TMEM65: variants seen among roughly 807,000 people sequenced by gnomAD.
The protein encoded by TMEM65 is transmembrane protein 65.
A neutral mutation model predicts 25.4 loss-of-function variants in TMEM65; 22 were observed. The ratio of observed to expected loss-of-function variants is 0.86; its 90% CI spans 0.62 to 1.23. The LOEUF (loss-of-function observed/expected upper bound fraction) is 1.23. TMEM65 is among the 50% of genes most tolerant of loss of function. The pLI is 0.00. For missense variants in TMEM65, 262 were observed against 308.2 expected (o/e 0.85, Z 1.12); for synonymous variants, 132 against 126.2 (o/e 1.05, Z -0.31).
At chr8:124,363,986 T>C (rs141549284) in intron 1 of TMEM65, among the ~76,000 whole-genome samples, 93 of 151,734 alleles carry the variant, frequency 6.1e-4, no homozygotes, top group African/African-American at 2.2e-3. Context: ...TGTGCAACCA[T>C]AGCCTTTGCA....
Position 124,327,385 on chromosome 8 carries a change from C to A in TMEM65, c.386G>T (p.Gly129Val). The A allele has an allele frequency of 6.2e-7, 1 of 1,602,868 alleles. No homozygotes were observed. The highest frequency in any genetic ancestry group is 1.1e-5 in the South Asian group (1 of 88,450). The change falls in exon 3 of 7, where the codon GGC becomes GTC. Residue 129 changes from glycine (G) to valine (V), a missense_variant. Transcript: ENST00000297632. ...AATCATAATTGCATTATCCAAAAAG[C>A]CAAACCCTATGAAAGGTATCGCATT... Reference protein sequence around the residue: ...IHNAIPFIGFGFLDNAIMIVA... With the variant: ...IHNAIPFIGFVFLDNAIMIVA...
intron 1 of TMEM65, among the ~76,000 whole-genome samples, chr8:124,365,656 A>C (rs932864375): frequency 6.6e-6 from 1 of 151,990 alleles, no homozygotes; most frequent in Non-Finnish European, 1.5e-5. Flanking sequence ...ATCCAGGTAA[A>C]ACCTAAATAT....
Position 124,313,969 on chromosome 8 carries a change from C to A in TMEM65, c.714G>T (p.Thr238=). The part of the protein sequence containing the change: ...GGGEEDEKLE[T]KS Reference sequence around the variant, plus strand: ...AGGTATTCTAAGAGGATTAACTTTTCGTTTCCAGTTTTTCATCTTCTTCAC... The same window carrying A: ...AGGTATTCTAAGAGGATTAACTTTTAGTTTCCAGTTTTTCATCTTCTTCAC... The change falls in exon 7 of 7, where the codon ACG becomes ACT. Residue 238 remains threonine (T), a synonymous_variant. Coordinates refer to ENST00000297632, the MANE Select transcript of TMEM65 (RefSeq NM_194291.3). 1 of 1,611,184 alleles carries A rather than the reference C, an allele frequency of 6.2e-7. No homozygotes were observed. The highest frequency in any genetic ancestry group is 1.1e-5 in the South Asian group (1 of 90,928).
At chr8:124,370,667 A>G (rs1293809946) in intron 1 of TMEM65, among the ~76,000 whole-genome samples, 2 of 152,234 alleles carry the variant, frequency 1.3e-5, no homozygotes, top group Non-Finnish European at 2.9e-5. Flanking sequence ...AGCCACAACT[A>G]AAACAAGTTT....
chr8:124,322,801 T>G lies in TMEM65; in HGVS notation c.472+520A>C, dbSNP rs375318022. ...TCACGAGGTCAGGCATTCAAGACCA[T>G]CCTGGCCAACATGGTGAAACCCCGT... is the stretch of plus-strand genomic sequence containing the variant. On this transcript the variant is annotated intron_variant, in intron 4 of 6. Coordinates refer to ENST00000297632, the MANE Select transcript of TMEM65 (RefSeq NM_194291.3). Among the ~76,000 whole-genome samples, 139 of 152,030 alleles carry G rather than the reference T, an allele frequency of 9.1e-4. 1 individual carries two copies. Among genetic ancestry groups the G allele is most frequent in the Admixed American group, 4.5e-3 (68 of 15,254 alleles).
chr8:124,361,787 G>C (rs946364044), intron 1 of TMEM65, among the ~76,000 whole-genome samples: 1 of 152,046 alleles, frequency 6.6e-6, no homozygotes, highest in African/African-American at 2.4e-5. Context: ...AGTGAGCGGA[G>C]ATTGCGCCAC....
At chr8:124,337,369 GAACA>G (rs751562534) in intron 1 of TMEM65, among the ~76,000 whole-genome samples, 1 of 151,942 alleles carries the variant, frequency 6.6e-6, no homozygotes, top group African/African-American at 2.4e-5. Context: ...CATGAACACA[GAACA>G]AAAAGCCTTA....
chr8:124,371,841 C>G lies in TMEM65; in HGVS notation c.304+13G>C, dbSNP rs1471163999. On this transcript the variant is annotated intron_variant, in intron 1 of 6. Transcript: ENST00000297632. ...CGGGGCCCCCGGGCTCGCCCCCCACCTGCCCCCCTTACCTTGGGCAATGGC... is the reference window on the plus strand; with the variant it reads ...CGGGGCCCCCGGGCTCGCCCCCCACGTGCCCCCCTTACCTTGGGCAATGGC... The G allele has an allele frequency of 6.6e-7, 1 of 1,515,306 alleles. No individual in the cohort carries two copies. Among genetic ancestry groups the G allele is most frequent in the African/African-American group, 1.4e-5 (1 of 69,552 alleles). The allele number at this position is 1,515,306 out of a possible 1,614,324, so 93.9% of individuals were successfully genotyped here. A position where few individuals can be genotyped will look rare whatever the true frequency, so the allele number is the denominator to read the frequency against.
chr8:124,326,201 T>G (rs1814363963), intron 3 of TMEM65, among the ~76,000 whole-genome samples: 1 of 152,080 alleles, frequency 6.6e-6, no homozygotes, highest in African/African-American at 2.4e-5. Context: ...ACCTGGGAAC[T>G]CATAAACTGG....
chr8:124,332,383 T>C (rs1814442884), intron 1 of TMEM65, among the ~76,000 whole-genome samples: 1 of 152,140 alleles, frequency 6.6e-6, no homozygotes, highest in African/African-American at 2.4e-5. Context: ...AAGCAGGACC[T>C]CCCCAGTAGA....
chr8:124,310,662 G>A lies in TMEM65; in HGVS notation c.*3298C>T, dbSNP rs773358187. On this transcript the variant is annotated 3_prime_UTR_variant, in exon 7 of 7. Transcript: ENST00000297632. Reference sequence around the variant, plus strand: ...GACCAAATAAGTGTTTAATAAAAGGGAACTATTATTATTACTACTACTACT... The same window carrying A: ...GACCAAATAAGTGTTTAATAAAAGGAAACTATTATTATTACTACTACTACT... The A allele has an allele frequency of 1.3e-5, 2 of 151,844 alleles. No homozygotes were observed. The highest frequency in any genetic ancestry group is 2.9e-5 in the Non-Finnish European group (2 of 67,972). The allele number at this position is 151,844 out of a possible 1,614,324, so 9.4% of individuals were successfully genotyped here.
At chr8:124,338,833 C>G (rs1027936373) in intron 1 of TMEM65, among the ~76,000 whole-genome samples, 4 of 152,046 alleles carry the variant, frequency 2.6e-5, no homozygotes, top group African/African-American at 7.2e-5. Context: ...TGGCCTAAAG[C>G]TGCCTGAGTA....
intron 1 of TMEM65, among the ~76,000 whole-genome samples, chr8:124,359,845 A>T (rs1477931286): frequency 6.6e-6 from 1 of 152,206 alleles, no homozygotes; most frequent in Admixed American, 6.5e-5. Flanking sequence ...TAATTATACC[A>T]CACTAAAGGC....
intron 6 of TMEM65, among the ~76,000 whole-genome samples, chr8:124,317,566 T>C (rs1321150847): frequency 6.6e-6 from 1 of 152,206 alleles, no homozygotes; most frequent in Non-Finnish European, 1.5e-5. Context: ...CACAAATTGC[T>C]GGGTTCCGTC....
chr8:124,361,556 G>A (rs573811694), intron 1 of TMEM65, among the ~76,000 whole-genome samples: 5 of 151,852 alleles, frequency 3.3e-5, no homozygotes, highest in East Asian at 3.9e-4. Flanking sequence ...ATTTTGGGCC[G>A]GGCACGGTGG....
intron 1 of TMEM65, 70 bp downstream of exon 1, chr8:124,371,784 C>A: frequency 7.0e-7 from 1 of 1,427,868 alleles, no homozygotes; most frequent in Non-Finnish European, 9.3e-7. Flanking sequence ...CCGCAGCGGG[C>A]TCCCGGTGGG....
At chr8:124,350,984 C>T (rs998215259) in intron 1 of TMEM65, 1 of 984,984 alleles carries the variant, frequency 1.0e-6, no homozygotes, top group African/African-American at 1.7e-5. Flanking sequence ...GCAAGAAGTT[C>T]CATCAAATAG....
In TMEM65 at chr8:124,363,366, A is replaced by C. The variant is rs1273020590; in HGVS notation, c.304+8488T>G. 3.3e-5 allele frequency among the ~76,000 whole-genome samples: 5 copies of C among 152,324 alleles called. No individual in the cohort carries two copies. The East Asian group carries it at 9.7e-4, about 29-fold the overall frequency. ...GTGTCTTGGTATGTTATCAGTCCTAATTATGGTGATTATTTTAAATTAATT... is the reference window on the plus strand; with the variant it reads ...GTGTCTTGGTATGTTATCAGTCCTACTTATGGTGATTATTTTAAATTAATT... On this transcript the variant is annotated intron_variant, in intron 1 of 6. Coordinates refer to ENST00000297632, the MANE Select transcript of TMEM65 (RefSeq NM_194291.3).
At chr8:124,347,151 G>A (rs1215410866) in intron 1 of TMEM65, among the ~76,000 whole-genome samples, 1 of 152,028 alleles carries the variant, frequency 6.6e-6, no homozygotes, top group Non-Finnish European at 1.5e-5. Context: ...TGAATGTTAA[G>A]CTTTCTAAAG....
Sources: allele counts gnomAD v4.1 joint callset (sites outside exome capture counted in the v4.1 genomes callset), GRCh38; gene constraint gnomAD v4.1.1; transcripts MANE v1.5; gene names NCBI Gene and HGNC (gene_info 2026-07-23, HGNC 2026-07-21).